STT3B: variants seen among roughly 807,000 people sequenced by gnomAD.
The protein encoded by STT3B is STT3 oligosaccharyltransferase complex catalytic subunit B.
In STT3B, 29 loss-of-function variants were observed where a neutral mutation model predicts 96.8. That is an observed-to-expected ratio of 0.30 (90% CI 0.22 to 0.41). STT3B has a LOEUF of 0.41. Ranked by LOEUF, STT3B falls within the 10% of genes least tolerant of loss-of-function variation. The pLI, the probability that STT3B is intolerant of heterozygous loss-of-function variation, is 1.00. For missense variants in STT3B, 640 were observed against 1,022.3 expected (o/e 0.63, Z 5.10); for synonymous variants, 367 against 360.0 (o/e 1.02, Z -0.22).
chr3:31,577,493 G>T (rs1019396743), intron 2 of STT3B, among the ~76,000 whole-genome samples: 6 of 152,010 alleles, frequency 3.9e-5, no homozygotes, highest in African/African-American at 1.2e-4. Context: ...ACCCAGTTAT[G>T]TTTTTTTGCT....
intron 5 of STT3B, among the ~76,000 whole-genome samples, chr3:31,612,063 A>G (rs567387503): frequency 2.0e-5 from 3 of 152,306 alleles, no homozygotes; most frequent in East Asian, 1.9e-4. Flanking sequence ...TGAAAATTCA[A>G]AACTTTCTGA....
In STT3B at chr3:31,620,138, G is replaced by T. The variant is rs1699391847; in HGVS notation, c.1327+308G>T. On this transcript the variant is annotated intron_variant, in intron 9 of 15. Coordinates refer to ENST00000295770, the MANE Select transcript of STT3B (RefSeq NM_178862.3). ...AAAAATACAAAAATTAGCCGAACAT[G>T]GTGGTGCATGCCTGTAATCCCAGCT... 7 of 359,894 alleles carry T rather than the reference G, an allele frequency of 1.9e-5. No individual in the cohort carries two copies. In the Admixed American group the frequency reaches 2.3e-4, roughly 12 times the overall value. The allele number at this position is 359,894 out of a possible 1,614,324, so 22.3% of individuals were successfully genotyped here.
intron 13 of STT3B, among the ~76,000 whole-genome samples, chr3:31,627,289 C>T (rs1699558352): frequency 6.6e-6 from 1 of 152,124 alleles, no homozygotes; most frequent in Non-Finnish European, 1.5e-5. Context: ...TCGTGAACTG[C>T]GCATGCAGGG....
intron 1 of STT3B, among the ~76,000 whole-genome samples, chr3:31,568,251 T>C (rs759911657): frequency 3.3e-5 from 5 of 152,188 alleles, no homozygotes; most frequent in Non-Finnish European, 5.9e-5. Context: ...TTTTCTTTAT[T>C]CATTCATCTG....
In STT3B at chr3:31,613,062, T is replaced by G. The variant is rs114869597; in HGVS notation, c.878-2043T>G. On this transcript the variant is annotated intron_variant, in intron 5 of 15. Transcript: ENST00000295770. Reference sequence around the variant, plus strand: ...ACCATGGGCTGGAAATAGGACAGAATGTGGAGTAGTAAGAGCTTAGTGAGT... The same window carrying G: ...ACCATGGGCTGGAAATAGGACAGAAGGTGGAGTAGTAAGAGCTTAGTGAGT... 7.3e-3 allele frequency among the ~76,000 whole-genome samples: 1,110 copies of G among 152,204 alleles called. 16 individuals are homozygous for G. The highest frequency in any genetic ancestry group is 0.025 in the African/African-American group (1,033 of 41,528).
intron 3 of STT3B, among the ~76,000 whole-genome samples, chr3:31,585,136 G>C (rs1206773218): frequency 6.6e-6 from 1 of 151,996 alleles, no homozygotes; most frequent in Non-Finnish European, 1.5e-5. Context: ...ATTATTATTT[G>C]TTGATGCCCT....
Position 31,539,543 on chromosome 3 carries a change from C to T in STT3B, c.314+6231C>T, listed in dbSNP as rs59730720. Among the ~76,000 whole-genome samples, 252 of 152,192 alleles carry T rather than the reference C, an allele frequency of 1.7e-3. 1 individual carries two copies. Among genetic ancestry groups the T allele is most frequent in the African/African-American group, 5.8e-3 (241 of 41,550 alleles). On this transcript the variant is annotated intron_variant, in intron 1 of 15. Coordinates refer to ENST00000295770, the MANE Select transcript of STT3B (RefSeq NM_178862.3). ...CAGGGCCAGCTTAAATAAAAGTGTC[C>T]TCTGTTTAATTTATGTTTTTTATTC...
chr3:31,603,574 A>G (rs1698981349), intron 5 of STT3B, among the ~76,000 whole-genome samples: 1 of 152,148 alleles, frequency 6.6e-6, no homozygotes, highest in Non-Finnish European at 1.5e-5. Context: ...GCATTTGTAG[A>G]AAGAATGGCT....
intron 3 of STT3B, among the ~76,000 whole-genome samples, chr3:31,584,794 T>A (rs1221569244): frequency 1.3e-5 from 2 of 152,170 alleles, no homozygotes; most frequent in Non-Finnish European, 2.9e-5. Context: ...CATAAAATAC[T>A]CTCTGACTCT....
At chr3:31,635,755 G>T (rs1276517485) in intron 15 of STT3B, among the ~76,000 whole-genome samples, 2 of 152,128 alleles carry the variant, frequency 1.3e-5, no homozygotes, top group African/African-American at 4.8e-5. Flanking sequence ...TCACTTGATG[G>T]TGAGGATGTC....
chr3:31,548,278 A>G (rs1428746651), intron 1 of STT3B, among the ~76,000 whole-genome samples: 1 of 152,192 alleles, frequency 6.6e-6, no homozygotes, highest in Admixed American at 6.5e-5. Flanking sequence ...AGTTTGGCAA[A>G]AAGATTTCAC....
chr3:31,625,885 A>C (rs760605519), intron 12 of STT3B, 69 bp from the exon 13 acceptor site: 2 of 1,403,896 alleles, frequency 1.4e-6, no homozygotes, highest in Non-Finnish European at 1.9e-6. Context: ...TTGTAGTAAA[A>C]AATATACATT....
intron 1 of STT3B, among the ~76,000 whole-genome samples, chr3:31,542,298 G>C (rs976481986): frequency 1.3e-5 from 2 of 152,198 alleles, no homozygotes; most frequent in Non-Finnish European, 2.9e-5. Flanking sequence ...AAGCAGGAAA[G>C]AGAATACTGG....
intron 1 of STT3B, among the ~76,000 whole-genome samples, chr3:31,568,175 G>T (rs1698052246): frequency 6.6e-6 from 1 of 152,044 alleles, no homozygotes; most frequent in South Asian, 2.1e-4. Context: ...CCATGTTGTT[G>T]TAAATGACTG....
At chr3:31,623,273 C>T (rs969146109) in intron 10 of STT3B, among the ~76,000 whole-genome samples, 2 of 152,148 alleles carry the variant, frequency 1.3e-5, no homozygotes, top group African/African-American at 4.8e-5. Context: ...TAAAGTGGTA[C>T]ATGGTCAAAA....
At chr3:31,619,324 A>G (rs1699379907) in intron 8 of STT3B, among the ~76,000 whole-genome samples, 1 of 152,230 alleles carries the variant, frequency 6.6e-6, no homozygotes, top group Non-Finnish European at 1.5e-5. Flanking sequence ...GTCTGTAGTA[A>G]TAATTCCAAA....
intron 1 of STT3B, among the ~76,000 whole-genome samples, chr3:31,555,986 G>A (rs1350835653): frequency 1.3e-5 from 2 of 152,066 alleles, no homozygotes; most frequent in Non-Finnish European, 2.9e-5. Context: ...TACAACATTA[G>A]AATTTATGCC....
intron 3 of STT3B, among the ~76,000 whole-genome samples, chr3:31,596,027 T>C (rs1323901197): frequency 1.3e-5 from 2 of 152,220 alleles, no homozygotes; most frequent in Non-Finnish European, 2.9e-5. Context: ...GTATCTTATC[T>C]CCACAGTACA....
intron 2 of STT3B, among the ~76,000 whole-genome samples, chr3:31,576,889 A>T (rs190396568): frequency 5.9e-5 from 9 of 152,298 alleles, no homozygotes; most frequent in Middle Eastern, 6.8e-3. Context: ...GAATAATCAG[A>T]TAATTAGGAT....
Sources: gnomAD v4.1 joint callset for allele counts (sites outside exome capture counted in the v4.1 genomes callset) on GRCh38, gnomAD v4.1.1 for gene constraint, MANE v1.5 for transcripts, NCBI Gene and HGNC (gene_info 2026-07-23, HGNC 2026-07-21) for gene names.